CNTN5: variants seen among roughly 807,000 people sequenced by gnomAD.
CNTN5 encodes contactin 5, also known as contactin-5.
In CNTN5, 77 loss-of-function variants were observed where a neutral mutation model predicts 129.1. The observed-to-expected ratio is 0.60, with a 90% CI of 0.50 to 0.72. The LOEUF (loss-of-function observed/expected upper bound fraction) is 0.72. Among genes scored for constraint, CNTN5 ranks in the 30% least tolerant of loss-of-function variants. The pLI is 0.00. For synonymous variants in CNTN5, 509 were observed against 465.6 expected, an observed-to-expected ratio of 1.09 and a Z score of -1.20; for missense variants, 1,478 against 1,328.8, an observed-to-expected ratio of 1.11 and a Z score of -1.75.
chr11:99,236,327 G>C (rs1861258597), intron 1 of CNTN5, among the ~76,000 whole-genome samples: 1 of 152,020 alleles, frequency 6.6e-6, no homozygotes, highest in Non-Finnish European at 1.5e-5. Flanking sequence ...CCAATGTATA[G>C]ATAAGTTTTA....
At chr11:99,905,280 G>A (rs947341160) in intron 6 of CNTN5, among the ~76,000 whole-genome samples, 10 of 152,068 alleles carry the variant, frequency 6.6e-5, no homozygotes, top group East Asian at 1.9e-4. Flanking sequence ...TAGGTCTTAC[G>A]TTTAAGTCTT....
intron 3 of CNTN5, among the ~76,000 whole-genome samples, chr11:99,740,165 T>C (rs1469270060): frequency 6.6e-6 from 1 of 152,164 alleles, no homozygotes; most frequent in African/African-American, 2.4e-5. Flanking sequence ...GAAAATAGTT[T>C]TGCTTTATTT....
chr11:99,928,815 C>G (rs1950124591), intron 7 of CNTN5, among the ~76,000 whole-genome samples: 1 of 152,234 alleles, frequency 6.6e-6, no homozygotes, highest in Non-Finnish European at 1.5e-5. Context: ...ATTTCTGCAG[C>G]TGGCTTGAAT....
rs116505948 is a variant in CNTN5, at chr11:99,868,810, T to G, written c.577+23548T>G. 8.0e-3 allele frequency among the ~76,000 whole-genome samples: 1,215 copies of G among 152,324 alleles called. 17 individuals are homozygous for G. The highest frequency in any genetic ancestry group is 0.028 in the African/African-American group (1,157 of 41,574). On this transcript the variant is annotated intron_variant, in intron 6 of 24. Coordinates refer to ENST00000524871, the MANE Select transcript of CNTN5 (RefSeq NM_014361.4). ...GCGTTTTAGCTGGTCTTTAATCTCT[T>G]GAGTCTGCACATTCATCAGCAAATA... is the stretch of plus-strand genomic sequence containing the variant.
chr11:99,343,887 CAAA>C (rs147595549), intron 2 of CNTN5, among the ~76,000 whole-genome samples: 1 of 150,834 alleles, frequency 6.6e-6, no homozygotes, highest in African/African-American at 2.4e-5. Flanking sequence ...CTAAGTGAAA[CAAA>C]AAAAAATTTA....
At chr11:100,041,059 C>A (rs1045257250) in intron 9 of CNTN5, among the ~76,000 whole-genome samples, 5 of 152,232 alleles carry the variant, frequency 3.3e-5, no homozygotes, top group African/African-American at 1.2e-4. Flanking sequence ...CACCCATCTT[C>A]TGCGTCACTC....
At chr11:99,462,752 A>C (rs1308992515) in intron 2 of CNTN5, among the ~76,000 whole-genome samples, 1 of 152,072 alleles carries the variant, frequency 6.6e-6, no homozygotes, top group Non-Finnish European at 1.5e-5. Flanking sequence ...ACTGATTTGT[A>C]GATTAGGACT....
chr11:100,003,389 C>G (rs1256292370), intron 9 of CNTN5, among the ~76,000 whole-genome samples: 1 of 152,112 alleles, frequency 6.6e-6, no homozygotes, highest in Non-Finnish European at 1.5e-5. Flanking sequence ...ATTTGCTGTT[C>G]TGTGTCAAAT....
chr11:99,542,329 C>A (rs561733721), intron 2 of CNTN5, among the ~76,000 whole-genome samples: 76 of 152,268 alleles, frequency 5.0e-4, no homozygotes, highest in African/African-American at 1.8e-3. Flanking sequence ...CTCCCTTACA[C>A]CCTCCCAAGT....
chr11:100,136,047 C>A (rs11821533), intron 13 of CNTN5, among the ~76,000 whole-genome samples: 6 of 152,088 alleles, frequency 3.9e-5, no homozygotes, highest in African/African-American at 1.2e-4. Context: ...TACTCTCAAT[C>A]TATAAATCAT....
chr11:99,039,856 A>C (rs528721009), intron 1 of CNTN5, among the ~76,000 whole-genome samples: 36 of 152,254 alleles, frequency 2.4e-4, no homozygotes, highest in Middle Eastern at 3.4e-3. Context: ...GTATTTATAA[A>C]CTTCTAAGAA....
intron 6 of CNTN5, among the ~76,000 whole-genome samples, chr11:99,872,958 TAAC>T (rs1948541013): frequency 6.6e-6 from 1 of 152,182 alleles, no homozygotes; most frequent in Non-Finnish European, 1.5e-5. Flanking sequence ...CTGAGACTAA[TAAC>T]ATATTTTGGT....
Position 99,229,991 on chromosome 11 carries a change from G to A in CNTN5, c.-209-95355G>A, listed in dbSNP as rs115648353. Among the ~76,000 whole-genome samples the A allele has an allele frequency of 3.4e-3, 516 of 152,016 alleles. 2 individuals are homozygous for A. Among genetic ancestry groups the A allele is most frequent in the African/African-American group, 0.012 (496 of 41,474 alleles). ...TTAAGCTCCACAATTTTTAGAAAAA[G>A]AGGTACATTTTTTAATGCAAATAAA... On this transcript the variant is annotated intron_variant, in intron 1 of 24. Coordinates refer to ENST00000524871, the MANE Select transcript of CNTN5 (RefSeq NM_014361.4).
intron 7 of CNTN5, among the ~76,000 whole-genome samples, chr11:99,953,906 T>A (rs531960451): frequency 1.4e-4 from 21 of 152,326 alleles, no homozygotes; most frequent in South Asian, 8.3e-4. Flanking sequence ...TAGTCATGAC[T>A]TCTTTTCCCG....
chr11:99,620,717 C>CG (rs1168552905), intron 3 of CNTN5, among the ~76,000 whole-genome samples: 1 of 151,242 alleles, frequency 6.6e-6, no homozygotes, highest in Non-Finnish European at 1.5e-5. Context: ...CCCGCTCCCC[C>CG]CCGGCCATCA....
chr11:99,652,630 G>C (rs1952199786), intron 3 of CNTN5, among the ~76,000 whole-genome samples: 1 of 151,948 alleles, frequency 6.6e-6, no homozygotes, highest in African/African-American at 2.4e-5. Context: ...AACTTATTTG[G>C]TGAAAAATTT....
intron 7 of CNTN5, among the ~76,000 whole-genome samples, chr11:99,942,624 G>C (rs1017351226): frequency 4.6e-5 from 7 of 151,914 alleles, no homozygotes; most frequent in African/African-American, 1.7e-4. Context: ...CCATAATCTA[G>C]GTTTTAAGCC....
In CNTN5 at chr11:100,220,905, C is replaced by A. The variant is rs746974727; in HGVS notation, c.1885-3787C>A. ...CTAGAGAGGAAAAGGGGCAGCAGGG[C>A]CAGAGGTATTGTCAGCTACACACAG... On this transcript the variant is annotated intron_variant, in intron 15 of 24. Transcript: ENST00000524871. Among the ~76,000 whole-genome samples the A allele has an allele frequency of 2.0e-5, 3 of 152,130 alleles. No homozygotes were observed. The South Asian group carries it at 6.2e-4, about 31-fold the overall frequency.
chr11:100,219,927 G>T (rs1056170082), intron 15 of CNTN5, among the ~76,000 whole-genome samples: 1 of 152,082 alleles, frequency 6.6e-6, no homozygotes, highest in African/African-American at 2.4e-5. Flanking sequence ...GAGTAGTAAA[G>T]AAAAAACTAT....
Sources: gnomAD v4.1 joint callset for allele counts (sites outside exome capture counted in the v4.1 genomes callset) on GRCh38, gnomAD v4.1.1 for gene constraint, MANE v1.5 for transcripts, NCBI Gene and HGNC (gene_info 2026-07-23, HGNC 2026-07-21) for gene names.